The following HIP1R variants were observed in gnomAD, a reference collection of about 807,000 sequenced individuals.
HIP1R encodes huntingtin-interacting protein 1-related protein.
Under a neutral mutation model 144.2 loss-of-function variants are expected in HIP1R, and 135 were observed. The ratio of observed to expected loss-of-function variants is 0.94; its 90% confidence interval spans 0.81 to 1.08. The LOEUF is 1.08. HIP1R is among the 50% of genes least tolerant of loss of function. HIP1R has a pLI of 0.00. For missense variants in HIP1R, 1,462 were observed against 1,432.8 expected (o/e 1.02, Z -0.33); for synonymous variants, 698 against 612.8 (o/e 1.14, Z -2.05).
chr12:122,859,287 C>A, intron 22 of HIP1R, 90 bp downstream of exon 22: 2 of 1,489,312 alleles, frequency 1.3e-6, no homozygotes, highest in Non-Finnish European at 1.8e-6. Context: ...GGTGTTTGTG[C>A]GTGGAGCCTG....
intron 13 of HIP1R, 24 bp from the exon 14 acceptor site, chr12:122,855,956 C>T: frequency 1.3e-6 from 2 of 1,573,392 alleles, no homozygotes; most frequent in South Asian, 1.2e-5. Context: ...CAGGCAGGGC[C>T]CCACGTCACA....
Position 122,860,689 on chromosome 12 carries a change from G to A in HIP1R, c.2671G>A (p.Asp891Asn). 6.2e-7 allele frequency: 1 copy of A among 1,613,382 alleles called. No homozygotes were observed. The highest frequency in any genetic ancestry group is 2.2e-5 in the East Asian group (1 of 44,876). Residue 891 changes from aspartate (D) to asparagine (N), a missense_variant, in exon 28 of 32, where the codon GAC (aspartate) becomes AAC (asparagine). Physicochemically the swap from Asp to Asn is conservative, Grantham distance 23. Around this residue, in one of 2 missense-constraint regions of HIP1R, gnomAD observed 1,112 missense variants for 1,011.7 expected, o/e 1.10. Transcript: ENST00000253083. ...WGATQLVEAA[D>N]KVVLHTGKYE... Reference sequence around the variant, plus strand: ...GCCCTTGACCCGCAGGGAGGCAGCTGACAAGGTGGTGCTTCACACGGGCAA... The same window carrying A: ...GCCCTTGACCCGCAGGGAGGCAGCTAACAAGGTGGTGCTTCACACGGGCAA...
chr12:122,856,958 G>A, intron 17 of HIP1R, 63 bp from the exon 18 acceptor site: 2 of 1,478,246 alleles, frequency 1.4e-6, no homozygotes, highest in Non-Finnish European at 1.8e-6. Context: ...TATAAGCGTG[G>A]GGGCAGGGTG....
At position 122,848,856 on chromosome 12, in the gene HIP1R, G is replaced by A; in HGVS notation, c.357+4G>A. The A allele has an allele frequency of 6.2e-7, 1 of 1,613,190 alleles. No individual in the cohort carries two copies. On this transcript the variant is annotated splice_donor_region_variant and intron_variant, in intron 4 of 31. Coordinates refer to ENST00000253083, the MANE Select transcript of HIP1R (RefSeq NM_003959.3). ...CCGGGAGATTGGAGACCTGTGGGTA[G>A]GTCCAGCCATTCTAGGTCCTGCCTG... is the stretch of plus-strand genomic sequence containing the variant.
Position 122,856,290 on chromosome 12 carries a change from GC to G in HIP1R, c.1348del (p.Leu450Ter). 1 of 1,613,902 alleles carries G rather than the reference GC, an allele frequency of 6.2e-7. No individual in the cohort carries two copies. Among genetic ancestry groups the G allele is most frequent in the Non-Finnish European group, 8.5e-7 (1 of 1,180,002 alleles). On this transcript the variant is annotated frameshift_variant, in exon 15 of 32. Transcript: ENST00000253083. LOFTEE classifies it high-confidence loss of function. Reference sequence around the variant, plus strand: ...GTGCCACGGAGGCGCGCTACAACAAGCTGAAGGAAAAGCACAGTGAGCTCGT... The same window carrying G: ...GTGCCACGGAGGCGCGCTACAACAAGTGAAGGAAAAGCACAGTGAGCTCGT... The part of the protein sequence containing the change: ...ASATEARYNK[L>X]KEKHSELVHV...
intron 22 of HIP1R, 92 bp downstream of exon 22, chr12:122,859,289 T>G: frequency 6.7e-7 from 1 of 1,491,898 alleles, no homozygotes; most frequent in Non-Finnish European, 9.1e-7. Context: ...TGTTTGTGCG[T>G]GGAGCCTGCA....
intron 1 of HIP1R, among the ~76,000 whole-genome samples, chr12:122,843,272 G>A (rs2033109927): frequency 6.6e-6 from 1 of 152,208 alleles, no homozygotes; most frequent in Non-Finnish European, 1.5e-5. Flanking sequence ...TCCATCTCTG[G>A]TCCATGTCTG....
chr12:122,849,537 G>A (rs916844850), intron 4 of HIP1R, among the ~76,000 whole-genome samples: 5 of 152,270 alleles, frequency 3.3e-5, no homozygotes, highest in African/African-American at 1.2e-4. Flanking sequence ...CGCAGGGGCC[G>A]TGGGGCTGGA....
At chr12:122,835,921 G>C (rs1250475646) in intron 1 of HIP1R, among the ~76,000 whole-genome samples, 1 of 151,274 alleles carries the variant, frequency 6.6e-6, no homozygotes, top group Non-Finnish European at 1.5e-5. Context: ...GGGGCTGAGG[G>C]GGCCGGGGTC....
At chr12:122,838,464 T>G (rs2135627261) in intron 1 of HIP1R, among the ~76,000 whole-genome samples, 1 of 152,218 alleles carries the variant, frequency 6.6e-6, no homozygotes, top group South Asian at 2.1e-4. Context: ...AAAGAGGGTG[T>G]GGTATCATAA....
At chr12:122,857,730 C>A in intron 18 of HIP1R, 1 of 271,320 alleles carries the variant, frequency 3.7e-6, no homozygotes, top group Non-Finnish European at 7.0e-6. Flanking sequence ...TTCTCCACAT[C>A]CTTGCCAATG....
intron 1 of HIP1R, among the ~76,000 whole-genome samples, chr12:122,844,090 C>CG (rs1254490728): frequency 6.6e-6 from 1 of 152,144 alleles, no homozygotes; most frequent in Admixed American, 6.5e-5. Flanking sequence ...CCACCTGCCT[C>CG]GGTCTCCCAA....
Position 122,861,338 on chromosome 12 carries a change from G to C in HIP1R, c.2983G>C (p.Glu995Gln), listed in dbSNP as rs376560982. The C allele has an allele frequency of 1.2e-6, 2 of 1,613,820 alleles. No individual in the cohort carries two copies. Among genetic ancestry groups the C allele is most frequent in the Non-Finnish European group, 1.7e-6 (2 of 1,179,986 alleles). ...VRVLELEKTL[E>Q]AERMRLGELR... ...TGTCCTGGAGCTGGAGAAGACGCTG[G>C]AGGCTGAACGCATGCGGCTGGGGGA... The change falls in exon 31 of 32, where the codon GAG becomes CAG. Residue 995 changes from glutamate to glutamine, a missense_variant. Glu to Gln is a conservative substitution (Grantham distance 29, BLOSUM62 2). Coordinates refer to ENST00000253083, the MANE Select transcript of HIP1R (RefSeq NM_003959.3).
At chr12:122,834,918 A>G (rs1179611352), upstream of HIP1R, 4 of 1,284,884 alleles carry the variant, frequency 3.1e-6, no homozygotes, top group Middle Eastern at 2.1e-4. Context: ...AAGGAAAAAA[A>G]GCGTCTATCT....
chr12:122,857,258 C>A, intron 18 of HIP1R, 43 bp downstream of exon 18: 1 of 1,511,446 alleles, frequency 6.6e-7, no homozygotes, highest in South Asian at 1.2e-5. Context: ...AGTTCACTGC[C>A]GTCTGGCAAC....
chr12:122,856,443 A>G lies in HIP1R; in HGVS notation c.1413A>G (p.Thr471=). 2 of 1,593,238 alleles carry G rather than the reference A, an allele frequency of 1.3e-6. No individual in the cohort carries two copies. The highest frequency in any genetic ancestry group is 1.7e-6 in the Non-Finnish European group (2 of 1,169,710). The change falls in exon 16 of 32, where the codon ACA becomes ACG. Residue 471 remains threonine, a synonymous_variant. Coordinates refer to ENST00000253083, the MANE Select transcript of HIP1R (RefSeq NM_003959.3). ...CCCTGCCCATGCAGAACGCGGACAC[A>G]GCCAAGCAGCTGACGGTGACGCAGC... ...HAELLRKNAD[T]AKQLTVTQQS...
rs2033767393 is a variant in HIP1R, at chr12:122,861,421, G to A, written c.3066G>A (p.Val1022=). ...AGASGSPGEE[V]AIRPSTAPRS... ...CATCAGGCAGCCCTGGAGAGGAGGTGGCCATCCGGCCCAGCACTGCCCCCC... is the reference window on the plus strand; with the variant it reads ...CATCAGGCAGCCCTGGAGAGGAGGTAGCCATCCGGCCCAGCACTGCCCCCC... Residue 1022 remains valine (V), a synonymous_variant, in exon 31 of 32, where the codon GTG becomes GTA. Transcript: ENST00000253083. 6.2e-7 allele frequency: 1 copy of A among 1,613,484 alleles called. No individual in the cohort carries two copies. Among genetic ancestry groups the A allele is most frequent in the Non-Finnish European group, 8.5e-7 (1 of 1,179,882 alleles).
Position 122,836,481 on chromosome 12 carries a change from T to G in HIP1R, c.93+838T>G, listed in dbSNP as rs979961007. 7.9e-5 allele frequency among the ~76,000 whole-genome samples: 12 copies of G among 152,302 alleles called. No individual in the cohort carries two copies. The highest frequency in any genetic ancestry group is 7.2e-4 in the Admixed American group (11 of 15,302). ...TTGTGTTTGTGCCGGGGACCCACGA[T>G]GCAGACGTTGCTGCGTTTCTGGTTT... On this transcript the variant is annotated intron_variant, in intron 1 of 31. Transcript: ENST00000253083. The surrounding 1 kb of genome is among the most constrained non-coding windows in gnomAD (Gnocchi z 4.1).
intron 7 of HIP1R, among the ~76,000 whole-genome samples, chr12:122,852,038 G>A (rs921821183): frequency 6.6e-6 from 1 of 152,234 alleles, no homozygotes; most frequent in South Asian, 2.1e-4. Context: ...TGTTGGACAG[G>A]AAATCTCAGA....
Sources: gnomAD v4.1 joint callset for allele counts (sites outside exome capture counted in the v4.1 genomes callset) on GRCh38, gnomAD v4.1.1 for gene constraint, gnomAD v4.1.1 regional missense constraint, Gnocchi (gnomAD v3.1) non-coding constraint, MANE v1.5 for transcripts, NCBI Gene and HGNC (gene_info 2026-07-23, HGNC 2026-07-21) for gene names.